DACH2: variants seen among roughly 807,000 people sequenced by gnomAD.
DACH2 encodes the protein dachshund family transcription factor 2, also known as dachshund homolog 2.
Under a neutral mutation model 35.8 loss-of-function variants are expected in DACH2, and 17 were observed. The ratio of observed to expected loss-of-function variants is 0.48; its 90% confidence interval spans 0.33 to 0.71. DACH2 has a LOEUF of 0.71. Ranked by LOEUF, DACH2 falls within the 30% of genes least tolerant of loss-of-function variation. The pLI, the probability that DACH2 is intolerant of heterozygous loss-of-function variation, is 0.02. For missense variants in DACH2, 469 were observed against 472.7 expected (o/e 0.99, Z 0.07); for synonymous variants, 195 against 177.3 (o/e 1.10, Z -0.79).
chrX:86,281,780 G>C (rs921508601), intron 1 of DACH2, among the ~76,000 whole-genome samples: 6 of 112,210 alleles, frequency 5.3e-5, no homozygotes, highest in African/African-American at 1.9e-4. Flanking sequence ...ATCTCTTTAA[G>C]CTGATAAGCA....
intron 3 of DACH2, among the ~76,000 whole-genome samples, chrX:86,555,142 A>G (rs1265908933): frequency 8.9e-6 from 1 of 111,890 alleles, no homozygotes; most frequent in East Asian, 2.8e-4. Flanking sequence ...GCAGTGTAAC[A>G]GGTTCCTCAT....
intron 7 of DACH2, among the ~76,000 whole-genome samples, chrX:86,779,355 G>C (rs1388594417): frequency 9.0e-6 from 1 of 111,399 alleles, no homozygotes; most frequent in African/African-American, 3.3e-5. Context: ...CCTTGATTGA[G>C]TGTGGCTGAG....
intron 3 of DACH2, among the ~76,000 whole-genome samples, chrX:86,550,665 G>A (rs2039036980): frequency 1.8e-5 from 2 of 111,269 alleles, no homozygotes; most frequent in South Asian, 7.6e-4. Context: ...GTAAAAGACA[G>A]TCTGTGGGTA....
chrX:86,666,687 A>G (rs973468049), intron 4 of DACH2, among the ~76,000 whole-genome samples: 4 of 111,495 alleles, frequency 3.6e-5, no homozygotes, highest in African/African-American at 1.3e-4. Flanking sequence ...AGCTGTGGCA[A>G]TTCTCCCTTT....
chrX:86,289,542 G>C (rs1474828897), intron 1 of DACH2, among the ~76,000 whole-genome samples: 1 of 105,272 alleles, frequency 9.5e-6, no homozygotes, highest in African/African-American at 3.5e-5. Flanking sequence ...TCTAGCATTA[G>C]GTATATCTCC....
At chrX:86,261,529 T>G (rs1188141155) in intron 1 of DACH2, among the ~76,000 whole-genome samples, 1 of 111,965 alleles carries the variant, frequency 8.9e-6, no homozygotes, top group African/African-American at 3.3e-5. Flanking sequence ...GGATAAAGGC[T>G]TGATTTTATG....
chrX:86,234,714 A>G (rs1387369055), intron 1 of DACH2, among the ~76,000 whole-genome samples: 8 of 108,283 alleles, frequency 7.4e-5, no homozygotes, highest in Non-Finnish European at 1.5e-4. Context: ...TCCCGACTCC[A>G]GTGATCCTCC....
intron 1 of DACH2, among the ~76,000 whole-genome samples, chrX:86,369,596 C>T (rs2035856044): frequency 9.0e-6 from 1 of 111,468 alleles, no homozygotes; most frequent in Non-Finnish European, 1.9e-5. Context: ...AACAGCTTAG[C>T]TGAGTTCTGC....
intron 1 of DACH2, among the ~76,000 whole-genome samples, chrX:86,284,103 C>A (rs751944118): frequency 9.0e-6 from 1 of 111,147 alleles, no homozygotes; most frequent in African/African-American, 3.3e-5. Flanking sequence ...TTTCTCTTGT[C>A]TGATTGCTCT....
intron 2 of DACH2, among the ~76,000 whole-genome samples, chrX:86,399,773 T>G (rs2036384555): frequency 8.9e-6 from 1 of 112,025 alleles, no homozygotes. Flanking sequence ...TGGGCTTTCC[T>G]TTGTGGGTAA....
rs763826957 is a variant in DACH2 at position 86,813,988 on chromosome X, C to T, written c.1538-700C>T. Reference sequence around the variant, plus strand: ...TTGCACTAGGACATTAGGATGACTACAGTGTCACTAGGTGATAGGAATTTC... The same window carrying T: ...TTGCACTAGGACATTAGGATGACTATAGTGTCACTAGGTGATAGGAATTTC... On this transcript the variant is annotated intron_variant, in intron 9 of 11. Transcript: ENST00000373125. Among the ~76,000 whole-genome samples, 7 of 111,889 alleles carry T rather than the reference C, an allele frequency of 6.3e-5. No individual in the cohort carries two copies. The South Asian group carries it at 2.6e-3, about 42-fold the overall frequency.
chrX:86,274,476 GAGACGGAGTC>G (rs2033874984), intron 1 of DACH2, among the ~76,000 whole-genome samples: 1 of 13,411 alleles, frequency 7.5e-5, no homozygotes, highest in African/African-American at 5.5e-4. Flanking sequence ...TTTTTTTTTT[GAGACGGAGTC>G]TTTCTGTTTT....
chrX:86,360,980 A>T (rs2035730950), intron 1 of DACH2, among the ~76,000 whole-genome samples: 1 of 111,228 alleles, frequency 9.0e-6, no homozygotes, highest in South Asian at 3.7e-4. Flanking sequence ...ACCCTAAAAA[A>T]ACCTACCATT....
At chrX:86,476,594 T>C (rs1347555563) in intron 2 of DACH2, among the ~76,000 whole-genome samples, 1 of 111,587 alleles carries the variant, frequency 9.0e-6, no homozygotes, top group African/African-American at 3.2e-5. Flanking sequence ...CTTTTCAAAA[T>C]CCAACTTTTT....
chrX:86,667,552 GAAAGAAAGAAAGAAAGAAAGAAAGA>G (rs2040706149), intron 4 of DACH2, among the ~76,000 whole-genome samples: 1 of 45,529 alleles, frequency 2.2e-5, no homozygotes, highest in Admixed American at 2.4e-4. Context: ...AAAGAAGAAA[GAAAGAAAGAAAGAAAGAAAGAAAGA>G]AAGAAAGAAA....
At chrX:86,400,447 G>A (rs2036403162) in intron 2 of DACH2, among the ~76,000 whole-genome samples, 1 of 111,728 alleles carries the variant, frequency 9.0e-6, no homozygotes, top group South Asian at 3.7e-4. Flanking sequence ...TGGAGGAGGA[G>A]AGGCGCTCTG....
At chrX:86,758,813 G>A (rs1394687974) in intron 7 of DACH2, among the ~76,000 whole-genome samples, 1 of 111,981 alleles carries the variant, frequency 8.9e-6, no homozygotes, top group Non-Finnish European at 1.9e-5. Flanking sequence ...ATATATTTAT[G>A]AAGCACATGA....
intron 2 of DACH2, among the ~76,000 whole-genome samples, chrX:86,513,787 G>T (rs767614593): frequency 1.7e-4 from 19 of 111,572 alleles, no homozygotes; most frequent in Non-Finnish European, 3.4e-4. Flanking sequence ...TTCCTCGTTG[G>T]CTCCCAGCAG....
At chrX:86,395,595 T>C (rs1322637443) in intron 2 of DACH2, among the ~76,000 whole-genome samples, 1 of 110,528 alleles carries the variant, frequency 9.0e-6, no homozygotes, top group Non-Finnish European at 1.9e-5. Flanking sequence ...TGTCCAAGTG[T>C]TCTCATTGTT....
Sources: allele counts gnomAD v4.1 joint callset (sites outside exome capture counted in the v4.1 genomes callset), GRCh38; gene constraint gnomAD v4.1.1; transcripts MANE v1.5; gene names NCBI Gene and HGNC (gene_info 2026-07-23, HGNC 2026-07-21).